Variants in DACT1 observed in about 807,000 individuals in gnomAD.
The protein encoded by DACT1 is dapper homolog 1.
Under a neutral mutation model 35.3 loss-of-function variants are expected in DACT1, and 19 were observed. The ratio of observed to expected loss-of-function variants is 0.54; its 90% CI spans 0.38 to 0.79. The LOEUF (loss-of-function observed/expected upper bound fraction) is 0.79. Ranked by LOEUF, DACT1 falls within the 30% of genes least tolerant of loss-of-function variation. The pLI is 0.00. For missense variants in DACT1, 1,143 were observed against 1,057.5 expected, an observed-to-expected ratio of 1.08 and a Z score of -1.12; for synonymous variants, 545 against 466.7, an observed-to-expected ratio of 1.17 and a Z score of -2.16.
chr14:58,646,621 G>A lies in DACT1; in HGVS notation c.1887G>A (p.Val629=). 1.9e-6 allele frequency: 3 copies of A among 1,608,114 alleles called. No individual in the cohort carries two copies. The highest frequency in any genetic ancestry group is 1.7e-6 in the Non-Finnish European group (2 of 1,177,678). Reference sequence around the variant, plus strand: ...ATGGCCACGGACGGGAGGCGGTGGTGGCCAAACCTAAGCACAAGCGAACTG... The same window carrying A: ...ATGGCCACGGACGGGAGGCGGTGGTAGCCAAACCTAAGCACAAGCGAACTG... The part of the protein sequence containing the change: ...RAHGHGREAV[V]AKPKHKRTDY... The change falls in exon 4 of 4, where the codon GTG becomes GTA. Residue 629 remains valine, a synonymous_variant. Transcript: ENST00000395153.
chr14:58,634,869 T>G (rs1251437299), upstream of DACT1, among the ~76,000 whole-genome samples: 1 of 152,218 alleles, frequency 6.6e-6, no homozygotes, highest in African/African-American at 2.4e-5. Context: ...ATGAGGGACA[T>G]GTTCTGGCTC....
At position 58,646,335 on chromosome 14, in the gene DACT1, G is replaced by C; in HGVS notation, c.1601G>C (p.Arg534Pro). 6.2e-7 allele frequency: 1 copy of C among 1,608,598 alleles called. No individual in the cohort carries two copies. Among genetic ancestry groups the C allele is most frequent in the Non-Finnish European group, 8.5e-7 (1 of 1,178,692 alleles). The change falls in exon 4 of 4, where the codon CGG becomes CCG. Residue 534 changes from arginine (R) to proline (P), a missense_variant. Physicochemically the swap from Arg to Pro is moderately radical, Grantham distance 103. Around this residue, in one of 3 missense-constraint regions of DACT1, gnomAD observed 1,054 missense variants for 958.8 expected, o/e 1.10. Transcript: ENST00000395153. ...PGQQPSVRLH[R>P]GHRNMGVVKN... The stretch of plus-strand genomic sequence containing the variant: ...CAGCAGCCCAGTGTCAGGCTCCACC[G>C]GGGCCACAGGAACATGGGCGTCGTG...
chr14:58,644,700 C>G (rs1464709664), intron 3 of DACT1, among the ~76,000 whole-genome samples: 3 of 152,146 alleles, frequency 2.0e-5, no homozygotes, highest in Non-Finnish European at 4.4e-5. Flanking sequence ...GAGGAGAAAG[C>G]CTACTGAACG....
In DACT1 at chr14:58,643,977, C is replaced by T. The variant is rs140355562; in HGVS notation, c.635-1392C>T. ...GTCTAGACTATTTTTTCCCTGAGAC[C>T]GCTAATTATCATTGAAGTTTATGGA... On this transcript the variant is annotated intron_variant, in intron 3 of 3. Transcript: ENST00000395153. 6.4e-4 allele frequency among the ~76,000 whole-genome samples: 97 copies of T among 152,154 alleles called. 1 individual carries two copies. In the East Asian group the frequency reaches 0.013, roughly 21 times the overall value.
chr14:58,643,413 A>ACT (rs2047645634), intron 3 of DACT1, among the ~76,000 whole-genome samples: 1 of 152,182 alleles, frequency 6.6e-6, no homozygotes, highest in Non-Finnish European at 1.5e-5. Context: ...ATAAGCCTGA[A>ACT]TTTTTGAGTC....
chr14:58,645,184 TA>T (rs2047661012), intron 3 of DACT1, 184 bp from the exon 4 acceptor site: 1 of 1,203,602 alleles, frequency 8.3e-7, no homozygotes, highest in Non-Finnish European at 1.2e-6. Flanking sequence ...GGATTTTTCA[TA>T]AAAATTGGCC....
chr14:58,638,076 G>T lies in DACT1; in HGVS notation c.-127G>T, dbSNP rs1442280081. ...CAGGACTCGAGGGCTTCTAGCCACC[G>T]TCCCCGCCAGCGCCGCGCCCCGCCA... On this transcript the variant is annotated 5_prime_UTR_variant, in exon 1 of 4. Transcript: ENST00000395153. 2.9e-6 allele frequency: 3 copies of T among 1,041,450 alleles called. No individual in the cohort carries two copies. The South Asian group carries it at 1.5e-4, about 51-fold the overall frequency. 64.5% of individuals were successfully genotyped at this position (1,041,450 alleles called of 1,614,324 possible).
chr14:58,646,709 C>G lies in DACT1; in HGVS notation c.1975C>G (p.Arg659Gly). The change falls in exon 4 of 4, where the codon CGC becomes GGC. Residue 659 changes from arginine (R) to glycine (G), a missense_variant. Transcript: ENST00000395153. ...SYEEALRRAR[R>G]GRRENVGLYP... The stretch of plus-strand genomic sequence containing the variant: ...CGAAGAGGCCCTGAGGAGGGCCCGG[C>G]GCGGTCGCCGGGAGAATGTGGGGCT... 6 of 1,613,184 alleles carry G rather than the reference C, an allele frequency of 3.7e-6. No individual in the cohort carries two copies. The highest frequency in any genetic ancestry group is 5.1e-6 in the Non-Finnish European group (6 of 1,179,920).
chr14:58,638,704 G>A lies in DACT1; in HGVS notation c.345+157G>A, dbSNP rs148938592. The A allele has an allele frequency of 4.2e-3, 4,969 of 1,192,782 alleles. 8 individuals are homozygous for A. Among genetic ancestry groups the A allele is most frequent in the Non-Finnish European group, 4.7e-3 (4,501 of 954,516 alleles). The allele number at this position is 1,192,782 out of a possible 1,614,324, so 73.9% of individuals were successfully genotyped here. A position where few individuals can be genotyped will look rare whatever the true frequency, so the allele number is the denominator to read the frequency against. The stretch of plus-strand genomic sequence containing the variant: ...CCCATACCTCCCTGATCCCCTTCCT[G>A]AGTGCCCGCGGCGTGTGGGCTGCCG... On this transcript the variant is annotated intron_variant, in intron 1 of 3. Coordinates refer to ENST00000395153, the MANE Select transcript of DACT1 (RefSeq NM_001079520.2).
At chr14:58,641,008 T>G (rs550571363) in intron 2 of DACT1, 140 bp downstream of exon 2, 41 of 934,110 alleles carry the variant, frequency 4.4e-5, no homozygotes, top group Non-Finnish European at 6.1e-5. Flanking sequence ...AAGTCTGCCA[T>G]TCAGTTTTAT....
At position 58,647,037 on chromosome 14, in the gene DACT1, C is replaced by T. The variant is rs1232686659; in HGVS notation, c.2303C>T (p.Pro768Leu). 6.2e-7 allele frequency: 1 copy of T among 1,614,158 alleles called. No individual in the cohort carries two copies. Among genetic ancestry groups the T allele is most frequent in the South Asian group, 1.1e-5 (1 of 91,082 alleles). ...TVTAPDLHNH[P>L]AKTFVKIKAS... ...ACGGCCCCAGACCTTCACAACCACC[C>T]CGCAAAAACCTTTGTCAAAATTAAG... Residue 768 changes from proline to leucine, a missense_variant, in exon 4 of 4, where the codon CCC (proline) becomes CTC (leucine). Around this residue, in one of 3 missense-constraint regions of DACT1, gnomAD observed 1,054 missense variants for 958.8 expected, o/e 1.10. Transcript: ENST00000395153.
intron 3 of DACT1, among the ~76,000 whole-genome samples, chr14:58,642,666 C>T (rs1365612275): frequency 6.6e-6 from 1 of 152,286 alleles, no homozygotes; most frequent in South Asian, 2.1e-4. Flanking sequence ...TGCACTCCAG[C>T]CTGGGCAACA....
Position 58,638,050 on chromosome 14 carries a change from G to C in DACT1, c.-153G>C. ...GGACAGCAGCAGCCGGCGGTCGCGCGCAGGACTCGAGGGCTTCTAGCCACC... is the reference window on the plus strand; with the variant it reads ...GGACAGCAGCAGCCGGCGGTCGCGCCCAGGACTCGAGGGCTTCTAGCCACC... On this transcript the variant is annotated 5_prime_UTR_variant, in exon 1 of 4. Coordinates refer to ENST00000395153, the MANE Select transcript of DACT1 (RefSeq NM_001079520.2). The C allele has an allele frequency of 1.3e-6, 1 of 771,372 alleles. No individual in the cohort carries two copies. Among genetic ancestry groups the C allele is most frequent in the Non-Finnish European group, 1.7e-6 (1 of 583,246 alleles). The allele number at this position is 771,372 out of a possible 1,614,324, so 47.8% of individuals were successfully genotyped here.
In DACT1 at chr14:58,646,596, A is replaced by T. The variant is rs199878465; in HGVS notation, c.1862A>T (p.His621Leu). 6.3e-7 allele frequency: 1 copy of T among 1,592,062 alleles called. No homozygotes were observed. The highest frequency in any genetic ancestry group is 8.6e-7 in the Non-Finnish European group (1 of 1,169,540). The change falls in exon 4 of 4, where the codon CAT becomes CTT. Residue 621 changes from histidine (H) to leucine (L), a missense_variant. Physicochemically the swap from His to Leu is moderately conservative, Grantham distance 99. Around this residue, in one of 3 missense-constraint regions of DACT1, gnomAD observed 1,054 missense variants for 958.8 expected, o/e 1.10. Transcript: ENST00000395153. ...GGCCACAGGGCGGGGAGCAGGGCGC[A>T]TGGCCACGGACGGGAGGCGGTGGTG... ...GGGHRAGSRA[H>L]GHGREAVVAK... is the part of the protein sequence containing the mutation.
intron 3 of DACT1, 43 bp downstream of exon 3, chr14:58,641,790 A>G (rs370417663): frequency 8.8e-6 from 14 of 1,596,540 alleles, no homozygotes; most frequent in Admixed American, 8.6e-5. Flanking sequence ...ATTGGAAGGC[A>G]TCAAGGGCCC....
In DACT1 at chr14:58,648,305, A is replaced by C. The variant is rs1051900789; in HGVS notation, c.*1171A>C. 1 of 167,088 alleles carries C rather than the reference A, an allele frequency of 6.0e-6. No homozygotes were observed. Among genetic ancestry groups the C allele is most frequent in the African/African-American group, 2.4e-5 (1 of 41,442 alleles). The allele number at this position is 167,088 out of a possible 1,614,324, so 10.4% of individuals were successfully genotyped here. A position where few individuals can be genotyped will look rare whatever the true frequency, so the allele number is the denominator to read the frequency against. Reference sequence around the variant, plus strand: ...GTTTGTTATTTGGGTATAAAACCAGATGTTTACACCTGTAAATCTTGTGCT... The same window carrying C: ...GTTTGTTATTTGGGTATAAAACCAGCTGTTTACACCTGTAAATCTTGTGCT... On this transcript the variant is annotated 3_prime_UTR_variant, in exon 4 of 4. Transcript: ENST00000395153.
In DACT1 at chr14:58,641,764, C is replaced by T. The variant is rs199525555; in HGVS notation, c.634+17C>T. ...AATCTGCAGGTAAGAATTTTTAGCA[C>T]TGATAGAAATTTTTAATTGGAAGGC... On this transcript the variant is annotated intron_variant, in intron 3 of 3. Coordinates refer to ENST00000395153, the MANE Select transcript of DACT1 (RefSeq NM_001079520.2). The T allele has an allele frequency of 5.9e-5, 95 of 1,610,480 alleles. No homozygotes were observed. The highest frequency in any genetic ancestry group is 7.7e-5 in the Non-Finnish European group (91 of 1,178,844).
chr14:58,645,749 G>C lies in DACT1; in HGVS notation c.1015G>C (p.Val339Leu), dbSNP rs377732832. 398 of 1,614,140 alleles carry C rather than the reference G, an allele frequency of 2.5e-4. 1 individual carries two copies. The highest frequency in any genetic ancestry group is 3.3e-4 in the Non-Finnish European group (384 of 1,180,052). The change falls in exon 4 of 4, where the codon GTT (valine) becomes CTT (leucine). Residue 339 changes from valine (V) to leucine (L), a missense_variant. Physicochemically the swap from Val to Leu is conservative, Grantham distance 32 (BLOSUM62 1). Coordinates refer to ENST00000395153, the MANE Select transcript of DACT1 (RefSeq NM_001079520.2). The stretch of plus-strand genomic sequence containing the variant: ...GAAAGGGCTTCTGAGGAACGGGAGC[G>C]TTTGTGTCAGAGCCCCGGGCGGTGT... ...PTKGLLRNGS[V>L]CVRAPGGVSQ...
upstream of DACT1, among the ~76,000 whole-genome samples, chr14:58,637,398 C>T (rs911202681): frequency 6.6e-6 from 1 of 152,254 alleles, no homozygotes; most frequent in Non-Finnish European, 1.5e-5. Context: ...GCATTGTGCT[C>T]TGTATTGCTT....
Sources: allele counts gnomAD v4.1 joint callset (sites outside exome capture counted in the v4.1 genomes callset), GRCh38; gene constraint gnomAD v4.1.1; regional missense constraint gnomAD v4.1.1; transcripts MANE v1.5; gene names NCBI Gene and HGNC (gene_info 2026-07-23, HGNC 2026-07-21).